Variants in BRD2 observed in about 807,000 individuals in gnomAD.
BRD2 encodes bromodomain containing 2, also known as bromodomain-containing protein 2.
BRD2 carries 15 observed loss-of-function variants against 79.1 expected under a neutral mutation model. That is an observed-to-expected ratio of 0.19 (90% CI 0.13 to 0.29). The LOEUF is 0.29. BRD2 is among the 10% of genes least tolerant of loss of function. The pLI, the probability that BRD2 is intolerant of heterozygous loss-of-function variation, is 1.00. For missense variants in BRD2, 1,053 were observed against 991.3 expected, an observed-to-expected ratio of 1.06 and a Z score of -0.84; for synonymous variants, 488 against 358.6, an observed-to-expected ratio of 1.36 and a Z score of -4.08.
At chr6:32,973,199 CGGTGG>C (rs1415496005) in intron 2 of BRD2, 1 of 1,510,088 alleles carries the variant, frequency 6.6e-7, no homozygotes, top group Non-Finnish European at 8.9e-7. Flanking sequence ...GCTAGTTTGA[CGGTGG>C]AGTGGAGTGA....
chr6:32,972,907 A>G lies in BRD2; in HGVS notation c.9A>G (p.Gln3=), dbSNP rs1778214615. 6.2e-7 allele frequency: 1 copy of G among 1,614,078 alleles called. No homozygotes were observed. The highest frequency in any genetic ancestry group is 8.5e-7 in the Non-Finnish European group (1 of 1,179,964). The change falls in exon 2 of 13, where the codon CAA becomes CAG. Residue 3 remains glutamine (Q), a synonymous_variant. Coordinates refer to ENST00000374825, the MANE Select transcript of BRD2 (RefSeq NM_005104.4). ...GGTTCCTTGCGGTCAAGATGCTGCA[A>G]AACGTGACTCCCCACAATAAGTACG... is the stretch of plus-strand genomic sequence containing the variant. The part of the protein sequence containing the change: ML[Q]NVTPHNKLPG...
intron 2 of BRD2, among the ~76,000 whole-genome samples, chr6:32,974,039 C>T (rs974612735): frequency 6.6e-6 from 1 of 152,070 alleles, no homozygotes; most frequent in Non-Finnish European, 1.5e-5. Context: ...TTCTTTTCCT[C>T]CTTACCGGCG....
In BRD2 at chr6:32,974,700, C is replaced by A. The variant is rs757289131; in HGVS notation, c.268C>A (p.Leu90Met). Residue 90 changes from leucine to methionine, a missense_variant, in exon 3 of 13, where the codon CTG (leucine) becomes ATG (methionine). Leu to Met is a conservative substitution (Grantham distance 15). Transcript: ENST00000374825. ...CCTACACAAGGTAGTGATGAAGGCTCTGTGGAAACATCAGTTCGCATGGCC... is the reference window on the plus strand; with the variant it reads ...CCTACACAAGGTAGTGATGAAGGCTATGTGGAAACATCAGTTCGCATGGCC... Reference protein sequence around the residue: ...QYLHKVVMKALWKHQFAWPFR... With the variant: ...QYLHKVVMKAMWKHQFAWPFR... 2 of 1,614,104 alleles carry A rather than the reference C, an allele frequency of 1.2e-6. No homozygotes were observed. The highest frequency in any genetic ancestry group is 2.7e-5 in the African/African-American group (2 of 74,942).
Position 32,977,820 on chromosome 6 carries a change from GTC to G in BRD2, c.1397_1398del (p.Ser466TyrfsTer17). Reference protein sequence around the residue: ...DEPLEPGPLPVSTAMPPGLAK... With the variant: ...DEPLEPGPLPXSTAMPPGLAK... ...ACCACTAGAACCAGGGCCTTTACCA[GTC>G]TCTACTGCCATGCCCCCTGGCTTGG... On this transcript the variant is annotated frameshift_variant, in exon 9 of 13. Coordinates refer to ENST00000374825, the MANE Select transcript of BRD2 (RefSeq NM_005104.4). LOFTEE classifies it high-confidence loss of function. 1 of 1,613,098 alleles carries G rather than the reference GTC, an allele frequency of 6.2e-7. No individual in the cohort carries two copies. Among genetic ancestry groups the G allele is most frequent in the Non-Finnish European group, 8.5e-7 (1 of 1,180,034 alleles).
chr6:32,969,194 A>G (rs1777723798), intron 1 of BRD2, 138 bp downstream of exon 1: 1 of 457,068 alleles, frequency 2.2e-6, no homozygotes, highest in Non-Finnish European at 4.0e-6. Flanking sequence ...TTTACAGCCA[A>G]TGGGAGCGTG....
rs1355958302 is a variant in BRD2 at position 32,981,239 on chromosome 6, G to A, written c.*521G>A. 1.3e-5 allele frequency: 2 copies of A among 153,594 alleles called. No individual in the cohort carries two copies. The highest frequency in any genetic ancestry group is 4.8e-5 in the African/African-American group (2 of 41,308). The allele number at this position is 153,594 out of a possible 1,614,324, so 9.5% of individuals were successfully genotyped here. A position where few individuals can be genotyped will look rare whatever the true frequency, so the allele number is the denominator to read the frequency against. On this transcript the variant is annotated 3_prime_UTR_variant, in exon 13 of 13. Transcript: ENST00000374825. ...TCCATTTGGGGCCCTGGGGGTTTCA[G>A]TCATCTCCCCATTTGGTCCCCTGGA... is the stretch of plus-strand genomic sequence containing the variant.
chr6:32,976,697 G>C lies in BRD2; in HGVS notation c.961G>C (p.Gly321Arg), dbSNP rs747920496. The change falls in exon 7 of 13, where the codon GGT becomes CGT. Residue 321 changes from glycine to arginine, a missense_variant. Around this residue, in one of 5 missense-constraint regions of BRD2, gnomAD observed 454 missense variants for 430.5 expected, o/e 1.05. Transcript: ENST00000374825. Reference sequence around the variant, plus strand: ...GCTTCCCCCTATGCGTAGAGAGAGTGGTCGCCCCATCAAGCCCCCACGCAA... The same window carrying C: ...GCTTCCCCCTATGCGTAGAGAGAGTCGTCGCCCCATCAAGCCCCCACGCAA... Reference protein sequence around the residue: ...ARLPPMRRESGRPIKPPRKDL... With the variant: ...ARLPPMRRESRRPIKPPRKDL... 1.2e-6 allele frequency: 2 copies of C among 1,612,824 alleles called. No individual in the cohort carries two copies. Among genetic ancestry groups the C allele is most frequent in the South Asian group, 2.2e-5 (2 of 91,050 alleles).
intron 2 of BRD2, among the ~76,000 whole-genome samples, chr6:32,973,461 GTGTT>G (rs1225335824): frequency 6.6e-6 from 1 of 152,100 alleles, no homozygotes; most frequent in Non-Finnish European, 1.5e-5. Context: ...GTTGTGTGTG[GTGTT>G]TGTTGGTGCA....
In BRD2 at chr6:32,974,446, G is replaced by A; in HGVS notation, c.30-16G>A. The A allele has an allele frequency of 6.9e-6, 11 of 1,600,714 alleles. No individual in the cohort carries two copies. Among genetic ancestry groups the A allele is most frequent in the Non-Finnish European group, 9.4e-6 (11 of 1,170,896 alleles). On this transcript the variant is annotated splice_polypyrimidine_tract_variant and intron_variant, in intron 2 of 12. Transcript: ENST00000374825. The stretch of plus-strand genomic sequence containing the variant: ...ATTTGGACGATATTGCCCTAATTTT[G>A]TTCCCATCTTTACAGGCTCCCTGGG...
At chr6:32,975,738 C>T (rs943634979) in intron 4 of BRD2, among the ~76,000 whole-genome samples, 5 of 152,152 alleles carry the variant, frequency 3.3e-5, no homozygotes, top group Non-Finnish European at 5.9e-5. Flanking sequence ...ACACTTCATA[C>T]TTGGGGGTGG....
At position 32,975,515 on chromosome 6, in the gene BRD2, C is replaced by T; in HGVS notation, c.465C>T (p.Tyr155=). 6.2e-7 allele frequency: 1 copy of T among 1,611,240 alleles called. No homozygotes were observed. The highest frequency in any genetic ancestry group is 1.3e-5 in the African/African-American group (1 of 74,726). ...CCATGTTCACCAACTGTTACATTTA[C>T]AACAAGGTGAGTTTTTCTGTGTGTT... The part of the protein sequence containing the change: ...FNTMFTNCYI[Y]NKPTDDIVLM... The change falls in exon 4 of 13, where the codon TAC becomes TAT. Residue 155 remains tyrosine, a synonymous_variant. Coordinates refer to ENST00000374825, the MANE Select transcript of BRD2 (RefSeq NM_005104.4).
chr6:32,977,017 C>T, intron 7 of BRD2, 81 bp downstream of exon 7: 3 of 1,489,096 alleles, frequency 2.0e-6, no homozygotes, highest in Non-Finnish European at 1.8e-6. Flanking sequence ...CTTATGTGGG[C>T]ACACAGCAGT....
Position 32,971,914 on chromosome 6 carries a change from G to A in BRD2, c.-985G>A, listed in dbSNP as rs1778030561. On this transcript the variant is annotated 5_prime_UTR_variant, in exon 2 of 13. It introduces an in-frame stop codon into an upstream open reading frame of the 5' UTR. Coordinates refer to ENST00000374825, the MANE Select transcript of BRD2 (RefSeq NM_005104.4). Reference sequence around the variant, plus strand: ...GGACCACAGCTCAGCCAATTGGCTTGGAGATGTGGCGGGTTGCCACTTCCC... The same window carrying A: ...GGACCACAGCTCAGCCAATTGGCTTAGAGATGTGGCGGGTTGCCACTTCCC... 1.4e-6 allele frequency: 1 copy of A among 702,956 alleles called. No homozygotes were observed. Among genetic ancestry groups the A allele is most frequent in the Admixed American group, 2.0e-5 (1 of 50,004 alleles). The allele number at this position is 702,956 out of a possible 1,614,324, so 43.5% of individuals were successfully genotyped here. A position where few individuals can be genotyped will look rare whatever the true frequency, so the allele number is the denominator to read the frequency against.
chr6:32,970,035 G>T (rs1388398415), intron 1 of BRD2, among the ~76,000 whole-genome samples: 1 of 152,176 alleles, frequency 6.6e-6, no homozygotes, highest in Non-Finnish European at 1.5e-5. Flanking sequence ...GGGAGGCAGT[G>T]ATTTTCCGGA....
intron 2 of BRD2, among the ~76,000 whole-genome samples, chr6:32,973,546 C>T (rs1778319248): frequency 6.6e-6 from 1 of 152,126 alleles, no homozygotes; most frequent in East Asian, 1.9e-4. Flanking sequence ...CCTAGTTCAG[C>T]TCTGCGATGT....
At chr6:32,969,608 T>C (rs1777767889) in intron 1 of BRD2, among the ~76,000 whole-genome samples, 1 of 152,206 alleles carries the variant, frequency 6.6e-6, no homozygotes, top group Non-Finnish European at 1.5e-5. Context: ...TCGAGTCGCT[T>C]ACCGAATTTG....
At chr6:32,973,381 T>C (rs1262631039) in intron 2 of BRD2, among the ~76,000 whole-genome samples, 2 of 152,068 alleles carry the variant, frequency 1.3e-5, no homozygotes, top group East Asian at 1.9e-4. Context: ...AAGGGATCAC[T>C]CTCCCGTGTG....
chr6:32,975,279 AGGGG>A (rs750121705), intron 3 of BRD2, 101 bp from the exon 4 acceptor site: 195 of 730,416 alleles, frequency 2.7e-4, no homozygotes, highest in African/African-American at 8.0e-4. Context: ...TTTGATGCAT[AGGGG>A]GGGTGTGTGT....
Position 32,971,598 on chromosome 6 carries a change from C to T in BRD2, c.-1301C>T, listed in dbSNP as rs757068397. ...GGCGTCTTTTTCCTCGTTTCAGATT[C>T]TTCGCTGCTGCTGCCTTACCGCCGA... On this transcript the variant is annotated 5_prime_UTR_variant, in exon 2 of 13. Transcript: ENST00000374825. 1 of 456,450 alleles carries T rather than the reference C, an allele frequency of 2.2e-6. No individual in the cohort carries two copies. The highest frequency in any genetic ancestry group is 4.2e-5 in the Admixed American group (1 of 23,676). The allele number at this position is 456,450 out of a possible 1,614,324, so 28.3% of individuals were successfully genotyped here.
Sources: allele counts gnomAD v4.1 joint callset (sites outside exome capture counted in the v4.1 genomes callset), GRCh38; gene constraint gnomAD v4.1.1; regional missense constraint gnomAD v4.1.1; transcripts MANE v1.5; gene names NCBI Gene and HGNC (gene_info 2026-07-23, HGNC 2026-07-21).